The following PIK3C3 variants were observed in gnomAD, a reference collection of about 807,000 sequenced individuals.
PIK3C3 encodes phosphatidylinositol 3-kinase catalytic subunit type 3.
PIK3C3 carries 95 observed loss-of-function variants against 126.1 expected under a neutral mutation model. The observed-to-expected ratio is 0.75, with a 90% CI of 0.64 to 0.89. PIK3C3 has a LOEUF of 0.89. Ranked by LOEUF, PIK3C3 falls within the 40% of genes least tolerant of loss-of-function variation. The pLI, the probability that PIK3C3 is intolerant of heterozygous loss-of-function variation, is 0.00. For synonymous variants in PIK3C3, 374 were observed against 360.0 expected, an observed-to-expected ratio of 1.04 and a Z score of -0.44; for missense variants, 829 against 1,063.2, an observed-to-expected ratio of 0.78 and a Z score of 3.06.
intron 11 of PIK3C3, among the ~76,000 whole-genome samples, chr18:42,015,012 G>T (rs552127767): frequency 1.1e-3 from 161 of 152,220 alleles, no homozygotes; most frequent in African/African-American, 3.8e-3. Context: ...AGAATTTTAT[G>T]ATGGGGTGAA....
In PIK3C3 at chr18:42,057,993, A is replaced by G. The variant is rs770905111; in HGVS notation, c.2374A>G (p.Ser792Gly). ...GGTAGAAGGAATGGGGGGCACACAGAGTGAGCAGTACCAAGAGTTCCGTAA... is the reference window on the plus strand; with the variant it reads ...GGTAGAAGGAATGGGGGGCACACAGGGTGAGCAGTACCAAGAGTTCCGTAA... ...EMVEGMGGTQ[S>G]EQYQEFRKQC... Residue 792 changes from serine (S) to glycine (G), a missense_variant, in exon 22 of 25, where the codon AGT becomes GGT. By Grantham distance (56) the Ser-to-Gly change is moderately conservative. This residue lies in a region of PIK3C3 where 196 missense variants were observed against 312.8 expected (regional missense o/e 0.63). Transcript: ENST00000262039. The G allele has an allele frequency of 3.1e-6, 5 of 1,613,456 alleles. No homozygotes were observed. In the East Asian group the frequency reaches 1.1e-4, roughly 36 times the overall value.
At chr18:42,004,040 A>G (rs1047424886) in intron 9 of PIK3C3, among the ~76,000 whole-genome samples, 5 of 152,188 alleles carry the variant, frequency 3.3e-5, no homozygotes, top group Admixed American at 6.5e-5. Flanking sequence ...AAATGCCTCA[A>G]CTATTTCCAT....
At chr18:42,019,343 T>C (rs1477238162) in intron 12 of PIK3C3, among the ~76,000 whole-genome samples, 3 of 152,200 alleles carry the variant, frequency 2.0e-5, no homozygotes, top group Non-Finnish European at 2.9e-5. Flanking sequence ...GAGTTGTTTA[T>C]ACATACTCTT....
intron 10 of PIK3C3, among the ~76,000 whole-genome samples, chr18:42,012,608 A>G (rs1365737976): frequency 6.6e-6 from 1 of 152,188 alleles, no homozygotes; most frequent in Non-Finnish European, 1.5e-5. Flanking sequence ...TGTGAAGAGG[A>G]CAAGTATGTC....
intron 9 of PIK3C3, among the ~76,000 whole-genome samples, chr18:41,999,204 A>G (rs368754486): frequency 6.6e-6 from 1 of 152,154 alleles, no homozygotes; most frequent in East Asian, 1.9e-4. Context: ...GTATTTTCAA[A>G]TTCACAGTTT....
intron 22 of PIK3C3, 122 bp downstream of exon 22, chr18:42,058,173 A>G: frequency 1.4e-6 from 1 of 693,094 alleles, no homozygotes; most frequent in South Asian, 3.1e-5. Context: ...GACAAAGGCA[A>G]CAATATTTCC....
At position 42,057,910 on chromosome 18, in the gene PIK3C3, A is replaced by C. The variant is rs1183331329; in HGVS notation, c.2291A>C (p.Tyr764Ser). The C allele has an allele frequency of 6.2e-7, 1 of 1,613,580 alleles. No homozygotes were observed. The highest frequency in any genetic ancestry group is 1.3e-5 in the African/African-American group (1 of 74,892). The change falls in exon 22 of 25, where the codon TAT (tyrosine) becomes TCT (serine). Residue 764 changes from tyrosine (Y) to serine (S), a missense_variant. Physicochemically the swap from Tyr to Ser is moderately radical, Grantham distance 144 (BLOSUM62 -2). Coordinates refer to ENST00000262039, the MANE Select transcript of PIK3C3 (RefSeq NM_002647.4). ...TGKLFHIDFG[Y>S]ILGRDPKPLP... ...AAACTCTTCCACATAGACTTTGGAT[A>C]TATTTTGGGTCGGGATCCAAAGCCT...
intron 24 of PIK3C3, among the ~76,000 whole-genome samples, chr18:42,068,665 C>T (rs1434888969): frequency 6.6e-6 from 1 of 151,848 alleles, no homozygotes; most frequent in Non-Finnish European, 1.5e-5. Context: ...ATTTAGATTC[C>T]CGGGGCCAGG....
intron 24 of PIK3C3, among the ~76,000 whole-genome samples, chr18:42,070,042 C>T (rs991255648): frequency 2.0e-5 from 3 of 152,158 alleles, no homozygotes; most frequent in African/African-American, 4.8e-5. Context: ...GGAGGTCCAG[C>T]AAAGCTTCAC....
intron 24 of PIK3C3, among the ~76,000 whole-genome samples, chr18:42,078,787 T>C (rs1986131412): frequency 6.6e-6 from 1 of 152,234 alleles, no homozygotes; most frequent in Non-Finnish European, 1.5e-5. Context: ...TGCACTTCTA[T>C]GTTATGGAGA....
intron 4 of PIK3C3, among the ~76,000 whole-genome samples, chr18:41,976,216 A>G (rs543561412): frequency 2.6e-5 from 4 of 152,298 alleles, no homozygotes; most frequent in Non-Finnish European, 2.9e-5. Flanking sequence ...CTTGAAAGAA[A>G]GTATTTTGCA....
chr18:42,043,392 G>T (rs962151668), intron 19 of PIK3C3, among the ~76,000 whole-genome samples: 6 of 152,088 alleles, frequency 3.9e-5, no homozygotes, highest in Non-Finnish European at 8.8e-5. Context: ...CATCTGGCCA[G>T]GATAAACTCA....
chr18:41,964,961 A>G (rs1980282121), intron 3 of PIK3C3, among the ~76,000 whole-genome samples: 1 of 152,204 alleles, frequency 6.6e-6, no homozygotes. Flanking sequence ...CATACAGGAA[A>G]AATAACTTAG....
At chr18:42,081,048 A>G in intron 24 of PIK3C3, 75 bp from the exon 25 acceptor site, 2 of 860,422 alleles carry the variant, frequency 2.3e-6, no homozygotes, top group Non-Finnish European at 3.7e-6. Context: ...TCTTTTTTAA[A>G]ACTATAGACT....
In PIK3C3 at chr18:42,013,556, A is replaced by T; in HGVS notation, c.1285A>T (p.Asn429Tyr). Residue 429 changes from asparagine to tyrosine, a missense_variant, in exon 11 of 25, where the codon AAT becomes TAT. By Grantham distance (143) the Asn-to-Tyr change is moderately radical. Coordinates refer to ENST00000262039, the MANE Select transcript of PIK3C3 (RefSeq NM_002647.4). The part of the protein sequence containing the change: ...KKDSQSSVSE[N>Y]VSNSGINSAE... ...GGATAGTCAGAGTTCAGTGTCAGAA[A>T]ATGTGTCAAATTCTGGAATAAATTC... 6.2e-7 allele frequency: 1 copy of T among 1,604,426 alleles called. No individual in the cohort carries two copies. The highest frequency in any genetic ancestry group is 1.1e-5 in the South Asian group (1 of 89,592).
intron 12 of PIK3C3, among the ~76,000 whole-genome samples, chr18:42,016,123 T>C (rs2097118721): frequency 1.3e-5 from 2 of 152,140 alleles, no homozygotes; most frequent in African/African-American, 2.4e-5. Context: ...ATCTCTGATG[T>C]TGAAAACAAG....
chr18:41,994,677 A>G (rs1439506288), intron 7 of PIK3C3, among the ~76,000 whole-genome samples: 1 of 152,136 alleles, frequency 6.6e-6, no homozygotes, highest in African/African-American at 2.4e-5. Flanking sequence ...AAATAATAAA[A>G]TTATATCCAT....
intron 4 of PIK3C3, among the ~76,000 whole-genome samples, chr18:41,973,689 C>G (rs1340973236): frequency 6.6e-6 from 1 of 152,036 alleles, no homozygotes; most frequent in African/African-American, 2.4e-5. Flanking sequence ...GATTGTCACT[C>G]TCTTTCTCAA....
rs1986013417 is a variant in PIK3C3 at position 42,076,167 on chromosome 18, T to TATATATATATGCACATATATATGCACAC, written c.2650-4934_2650-4933insGCACACATATATATATGCACATATATAT. Among the ~76,000 whole-genome samples the TATATATATATGCACATATATATGCACAC allele has an allele frequency of 9.8e-5, 11 of 112,208 alleles. No individual in the cohort carries two copies. In the South Asian group the frequency reaches 2.6e-3, roughly 26 times the overall value. 73.6% of individuals were successfully genotyped at this position (112,208 alleles called of 152,430 possible). A position where few individuals can be genotyped will look rare whatever the true frequency, so the allele number is the denominator to read the frequency against. Reference sequence around the variant, plus strand: ...ATGCGCATATATATATATATGCACATATATATATATGCACATATATATATG... The same window carrying TATATATATATGCACATATATATGCACAC: ...ATGCGCATATATATATATATGCACATATATATATATGCACATATATATGCACACATATATATATGCACATATATATATG... On this transcript the variant is annotated intron_variant, in intron 24 of 24. Transcript: ENST00000262039.
Sources: allele counts gnomAD v4.1 joint callset (sites outside exome capture counted in the v4.1 genomes callset), GRCh38; gene constraint gnomAD v4.1.1; regional missense constraint gnomAD v4.1.1; transcripts MANE v1.5; gene names NCBI Gene and HGNC (gene_info 2026-07-23, HGNC 2026-07-21).